Variants in RBFOX1 observed in about 807,000 individuals in gnomAD.
RBFOX1 encodes RNA binding protein fox-1 homolog 1.
In RBFOX1, 8 loss-of-function variants were observed where a neutral mutation model predicts 57.7. That is an observed-to-expected ratio of 0.14 (90% confidence interval 0.08 to 0.25). The LOEUF (loss-of-function observed/expected upper bound fraction) is 0.25. RBFOX1 is among the 10% of genes least tolerant of loss of function. The probability of loss-of-function intolerance (pLI) is 1.00; values close to 1 mark genes in which losing one functional copy is unlikely to be tolerated. For missense variants in RBFOX1, 611 were observed against 548.5 expected, an observed-to-expected ratio of 1.11 and a Z score of -1.14; for synonymous variants, 326 against 222.4, an observed-to-expected ratio of 1.47 and a Z score of -4.15.
intron 2 of RBFOX1, among the ~76,000 whole-genome samples, chr16:5,533,202 C>T (rs1431645732): frequency 2.0e-5 from 3 of 152,104 alleles, no homozygotes; most frequent in Admixed American, 6.6e-5. Context: ...TTTATGCAGG[C>T]TAGGGGCTGC....
intron 4 of RBFOX1, among the ~76,000 whole-genome samples, chr16:5,955,283 C>CAATAAAATAA (rs1168606127): frequency 9.0e-6 from 1 of 111,594 alleles, no homozygotes; most frequent in African/African-American, 3.8e-5. Context: ...CTCTGTCTCC[C>CAATAAAATAA]AATAAAATAA....
At chr16:7,406,100 G>A (rs7198604) in intron 4 of RBFOX1, among the ~76,000 whole-genome samples, 118,618 of 152,072 alleles carry the variant, frequency 0.78, 46,679 homozygotes, top group Non-Finnish European at 0.83. Flanking sequence ...TGGAGGTGAA[G>A]GCTTTCTTGG....
At chr16:6,686,848 T>C (rs1280203675) in intron 3 of RBFOX1, among the ~76,000 whole-genome samples, 2 of 152,212 alleles carry the variant, frequency 1.3e-5, no homozygotes, top group East Asian at 1.9e-4. Flanking sequence ...GCATTGCTGC[T>C]ACTGTGTTGT....
At chr16:5,795,836 T>C (rs1366325776) in intron 3 of RBFOX1, among the ~76,000 whole-genome samples, 1 of 152,358 alleles carries the variant, frequency 6.6e-6, no homozygotes, top group Middle Eastern at 3.4e-3. Context: ...TTGCTTTTTT[T>C]CACTGATTTG....
chr16:5,587,755 G>T (rs184565559), intron 2 of RBFOX1, among the ~76,000 whole-genome samples: 1 of 152,066 alleles, frequency 6.6e-6, no homozygotes, highest in Non-Finnish European at 1.5e-5. Flanking sequence ...AATATGGAGG[G>T]ACCTGAGCCC....
In RBFOX1 at chr16:6,230,200, A is replaced by G. The variant is rs995273772; in HGVS notation, c.-126-86795A>G. Among the ~76,000 whole-genome samples the G allele has an allele frequency of 2.6e-5, 4 of 152,330 alleles. No individual in the cohort carries two copies. The East Asian group carries it at 7.7e-4, about 29-fold the overall frequency. On this transcript the variant is annotated intron_variant, in intron 1 of 15. Transcript: ENST00000550418. ...AGCATAGAAGAGATGAAGTTAAGCAATTAGTGATTGGAATGAGTTGATCTT... is the reference window on the plus strand; with the variant it reads ...AGCATAGAAGAGATGAAGTTAAGCAGTTAGTGATTGGAATGAGTTGATCTT...
At chr16:6,759,890 T>C (rs955397624) in intron 3 of RBFOX1, among the ~76,000 whole-genome samples, 93 of 152,318 alleles carry the variant, frequency 6.1e-4, no homozygotes, top group African/African-American at 1.5e-3. Context: ...AAATCAAGTA[T>C]GGTATAAGGC....
At chr16:6,946,243 C>G (rs76891982) in intron 3 of RBFOX1, among the ~76,000 whole-genome samples, 6,340 of 152,270 alleles carry the variant, frequency 0.042, 344 homozygotes, top group African/African-American at 0.13. Context: ...GATAACTGCT[C>G]CACTACATCC....
intron 4 of RBFOX1, among the ~76,000 whole-genome samples, chr16:7,374,946 G>T (rs74677015): frequency 0.024 from 3,581 of 152,244 alleles, 69 homozygotes; most frequent in Non-Finnish European, 0.036. Flanking sequence ...AATTTAAACG[G>T]AGCCTGGAGT....
intron 4 of RBFOX1, among the ~76,000 whole-genome samples, chr16:7,355,781 A>C (rs11866524): frequency 0.094 from 14,350 of 152,280 alleles, 780 homozygotes; most frequent in Non-Finnish European, 0.11. Flanking sequence ...CTCAAACTGG[A>C]CATCATCAAT....
At chr16:7,394,267 GAGAA>G (rs1426819591) in intron 4 of RBFOX1, among the ~76,000 whole-genome samples, 3 of 129,180 alleles carry the variant, frequency 2.3e-5, no homozygotes, top group African/African-American at 6.0e-5. Context: ...AAAAAAAAGA[GAGAA>G]AGAAATAAAA....
intron 3 of RBFOX1, among the ~76,000 whole-genome samples, chr16:5,640,072 G>C (rs756526496): frequency 6.6e-6 from 1 of 152,130 alleles, no homozygotes; most frequent in Non-Finnish European, 1.5e-5. Flanking sequence ...GCACATGCAG[G>C]TCAGGGAAAT....
At chr16:6,466,380 T>A (rs547222919) in intron 2 of RBFOX1, among the ~76,000 whole-genome samples, 1 of 152,220 alleles carries the variant, frequency 6.6e-6, no homozygotes, top group Non-Finnish European at 1.5e-5. Context: ...CTTTCCCATA[T>A]GTTATTTAGT....
At chr16:6,556,650 C>T (rs928962476) in intron 2 of RBFOX1, among the ~76,000 whole-genome samples, 3 of 152,126 alleles carry the variant, frequency 2.0e-5, no homozygotes, top group Non-Finnish European at 2.9e-5. Flanking sequence ...GATGATGCCA[C>T]AGTGCCATGG....
intron 1 of RBFOX1, among the ~76,000 whole-genome samples, chr16:6,143,959 C>CTATA (rs71142686): frequency 0.18 from 25,725 of 139,626 alleles, 2,438 homozygotes; most frequent in Middle Eastern, 0.24. Context: ...CCATACTCAG[C>CTATA]TATATATATA....
intron 2 of RBFOX1, among the ~76,000 whole-genome samples, chr16:6,566,039 C>T (rs1280559907): frequency 6.6e-6 from 1 of 152,192 alleles, no homozygotes; most frequent in Non-Finnish European, 1.5e-5. Flanking sequence ...TCTGCGATTA[C>T]CAGGACAGAG....
chr16:6,659,502 T>C (rs2098687778), intron 3 of RBFOX1, among the ~76,000 whole-genome samples: 1 of 152,066 alleles, frequency 6.6e-6, no homozygotes, highest in South Asian at 2.1e-4. Context: ...CTTAAAACAG[T>C]TGTGGTGTGG....
chr16:6,813,276 C>A (rs11864697), intron 3 of RBFOX1, among the ~76,000 whole-genome samples: 2 of 151,980 alleles, frequency 1.3e-5, no homozygotes, highest in African/African-American at 4.8e-5. Flanking sequence ...TCTGGCAGTC[C>A]TCAAAACAGC....
intron 1 of RBFOX1, among the ~76,000 whole-genome samples, chr16:6,181,404 TG>T (rs1395976573): frequency 2.0e-5 from 3 of 152,172 alleles, no homozygotes; most frequent in Non-Finnish European, 4.4e-5. Context: ...GTTACATTAT[TG>T]GAATTCTTTG....
Sources: gnomAD v4.1 joint callset for allele counts (sites outside exome capture counted in the v4.1 genomes callset) on GRCh38, gnomAD v4.1.1 for gene constraint, MANE v1.5 for transcripts, NCBI Gene and HGNC (gene_info 2026-07-23, HGNC 2026-07-21) for gene names.